Variants in MKLN1 observed in about 807,000 individuals in gnomAD.
MKLN1 encodes the protein muskelin.
A neutral mutation model predicts 99.0 loss-of-function variants in MKLN1; 18 were observed. That is an observed-to-expected ratio of 0.18 (90% CI 0.13 to 0.27). The LOEUF (loss-of-function observed/expected upper bound fraction) is 0.27. Among genes scored for constraint, MKLN1 ranks in the 10% least tolerant of loss-of-function variants. The pLI is 1.00. For missense variants in MKLN1, 621 were observed against 875.9 expected, an observed-to-expected ratio of 0.71 and a Z score of 3.67; for synonymous variants, 288 against 293.2, an observed-to-expected ratio of 0.98 and a Z score of 0.18.
chr7:131,320,911 A>T (rs891818507), intron 3 of MKLN1, among the ~76,000 whole-genome samples: 1 of 152,240 alleles, frequency 6.6e-6, no homozygotes, highest in African/African-American at 2.4e-5. Flanking sequence ...AATGGCAATT[A>T]TTAAAAAGTC....
intron 3 of MKLN1, among the ~76,000 whole-genome samples, chr7:131,240,788 G>A (rs911156917): frequency 7.2e-5 from 11 of 152,152 alleles, no homozygotes; most frequent in South Asian, 2.1e-4. Flanking sequence ...CCAAGTTGTC[G>A]TTAAAGAACT....
chr7:131,251,121 G>GTGTGTGTGTGTGTGTGTGTA (rs143561333), intron 3 of MKLN1, among the ~76,000 whole-genome samples: 3 of 147,966 alleles, frequency 2.0e-5, no homozygotes, highest in African/African-American at 2.5e-5. Flanking sequence ...GTGTGTGTGT[G>GTGTGTGTGTGTGTGTGTGTA]TGTGTACCAT....
intron 16 of MKLN1, among the ~76,000 whole-genome samples, chr7:131,475,237 A>G (rs1414080245): frequency 1.3e-5 from 2 of 152,210 alleles, no homozygotes; most frequent in Non-Finnish European, 2.9e-5. Flanking sequence ...CTTCATTGAC[A>G]AGCCGCAACT....
chr7:131,195,239 G>A (rs1295852288), intron 2 of MKLN1, among the ~76,000 whole-genome samples: 1 of 152,100 alleles, frequency 6.6e-6, no homozygotes, highest in East Asian at 1.9e-4. Context: ...GGCCGGGCAC[G>A]GTGGCTCATG....
chr7:131,132,857 C>T (rs1435094883), intron 1 of MKLN1, among the ~76,000 whole-genome samples: 6 of 128,246 alleles, frequency 4.7e-5, no homozygotes, highest in South Asian at 2.7e-4. Context: ...ACCTGGGAGG[C>T]GGAGGTTGCA....
At chr7:131,447,609 G>A (rs1034002791) in intron 12 of MKLN1, among the ~76,000 whole-genome samples, 3 of 152,188 alleles carry the variant, frequency 2.0e-5, no homozygotes, top group African/African-American at 7.2e-5. Flanking sequence ...CCTGAAAAAG[G>A]TAGTGAAGAT....
intron 1 of MKLN1, among the ~76,000 whole-genome samples, chr7:131,121,401 A>G (rs1261106843): frequency 3.9e-5 from 6 of 152,080 alleles, no homozygotes; most frequent in Admixed American, 3.9e-4. Context: ...AGAACCAAGA[A>G]CCAACTAAAT....
At chr7:131,457,055 A>T (rs1031955893) in intron 12 of MKLN1, among the ~76,000 whole-genome samples, 1 of 152,206 alleles carries the variant, frequency 6.6e-6, no homozygotes, top group East Asian at 1.9e-4. Context: ...AGGCAGGCAG[A>T]TAACCTGAGG....
At chr7:131,406,643 T>C (rs1386490609) in intron 6 of MKLN1, among the ~76,000 whole-genome samples, 1 of 152,116 alleles carries the variant, frequency 6.6e-6, no homozygotes, top group African/African-American at 2.4e-5. Flanking sequence ...CCCTGTGCCG[T>C]AAGCCCATCC....
chr7:131,485,262 A>G (rs1261566159), intron 17 of MKLN1, among the ~76,000 whole-genome samples: 2 of 152,142 alleles, frequency 1.3e-5, no homozygotes, highest in Non-Finnish European at 2.9e-5. Flanking sequence ...AGTAATGAGT[A>G]TAACATTGAG....
At chr7:131,235,383 T>C (rs1797306447) in intron 3 of MKLN1, among the ~76,000 whole-genome samples, 1 of 151,908 alleles carries the variant, frequency 6.6e-6, no homozygotes, top group African/African-American at 2.4e-5. Flanking sequence ...TTTCTGAAGA[T>C]TAATTTCTCA....
chr7:131,382,915 G>A (rs1291970207), intron 2 of MKLN1, among the ~76,000 whole-genome samples: 3 of 151,968 alleles, frequency 2.0e-5, no homozygotes, highest in Admixed American at 1.3e-4. Flanking sequence ...AGTAGAGACA[G>A]GGTTTCACCG....
chr7:131,163,831 A>G (rs903811585), intron 2 of MKLN1, among the ~76,000 whole-genome samples: 3 of 152,178 alleles, frequency 2.0e-5, no homozygotes, highest in Non-Finnish European at 4.4e-5. Context: ...TGCTATGACA[A>G]TTTTATTTGC....
chr7:131,455,065 A>AT (rs1233931854), intron 12 of MKLN1, among the ~76,000 whole-genome samples: 2 of 152,140 alleles, frequency 1.3e-5, no homozygotes, highest in Non-Finnish European at 2.9e-5. Flanking sequence ...GTGGAAAGCT[A>AT]TTTTTTATTA....
chr7:131,337,112 A>G (rs1050331648), intron 1 of MKLN1, among the ~76,000 whole-genome samples: 16 of 152,270 alleles, frequency 1.1e-4, no homozygotes, highest in African/African-American at 3.6e-4. Context: ...CTTGGAAGGT[A>G]GTATGACTTT....
chr7:131,434,490 A>C (rs537307226), intron 9 of MKLN1, among the ~76,000 whole-genome samples: 24 of 152,122 alleles, frequency 1.6e-4, no homozygotes, highest in African/African-American at 4.8e-4. Flanking sequence ...TTTATTTCTT[A>C]GAGTATTTTA....
chr7:131,126,044 A>T (rs548109246), intron 1 of MKLN1, among the ~76,000 whole-genome samples: 47 of 2,404 alleles, frequency 0.02, no homozygotes, highest in African/African-American at 0.022. Flanking sequence ...ATAAATAAAT[A>T]AATAAATTAA....
chr7:131,276,432 T>C lies in MKLN1; in HGVS notation c.-179+73458T>C, dbSNP rs550944628. 3.0e-4 allele frequency among the ~76,000 whole-genome samples: 45 copies of C among 152,272 alleles called. No individual in the cohort carries two copies. The East Asian group carries it at 6.8e-3, about 23-fold the overall frequency. On this transcript the variant is annotated intron_variant, in intron 3 of 7. Coordinates refer to the MKLN1 transcript ENST00000416992. The stretch of plus-strand genomic sequence containing the variant: ...TAGATGGGAAAGCACAGCAAGTGCA[T>C]AACCAGAATTTCCAGGCATGGGAGA...
chr7:131,452,619 C>T (rs1312065274), intron 12 of MKLN1, among the ~76,000 whole-genome samples: 4 of 147,684 alleles, frequency 2.7e-5, no homozygotes, highest in South Asian at 2.1e-4. Flanking sequence ...GGCACAATCC[C>T]GGCTCACTGC....
Sources: allele counts gnomAD v4.1 joint callset (sites outside exome capture counted in the v4.1 genomes callset), GRCh38; gene constraint gnomAD v4.1.1; transcripts MANE v1.5; gene names NCBI Gene and HGNC (gene_info 2026-07-23, HGNC 2026-07-21).